The following ATG5 variants were observed in gnomAD, a reference collection of about 807,000 sequenced individuals.
The protein encoded by ATG5 is autophagy related 5.
In ATG5, 14 loss-of-function variants were observed where a neutral mutation model predicts 36.5. The ratio of observed to expected loss-of-function variants is 0.38; its 90% CI spans 0.25 to 0.60. The LOEUF (loss-of-function observed/expected upper bound fraction) is 0.60. Ranked by LOEUF, ATG5 falls within the 20% of genes least tolerant of loss-of-function variation. The pLI is 0.60. For synonymous variants in ATG5, 95 were observed against 101.5 expected (o/e 0.94, Z 0.38); for missense variants, 195 against 326.7 (o/e 0.60, Z 3.11).
rs183119351 is a variant in ATG5, at chr6:106,284,508, C to T, written c.316-4685G>A. On this transcript the variant is annotated intron_variant, in intron 4 of 7. Coordinates refer to ENST00000369076, the MANE Select transcript of ATG5 (RefSeq NM_004849.4). ...GGGACTATAGGCACATGCCACCACACCAGGCTATTTTTTAAAATATTATTT... is the reference window on the plus strand; with the variant it reads ...GGGACTATAGGCACATGCCACCACATCAGGCTATTTTTTAAAATATTATTT... 4.9e-4 allele frequency among the ~76,000 whole-genome samples: 75 copies of T among 152,230 alleles called. 1 individual carries two copies. The highest frequency in any genetic ancestry group is 4.3e-3 in the Admixed American group (66 of 15,294).
At chr6:106,283,422 G>C (rs1233330661) in intron 4 of ATG5, 1 of 151,990 alleles carries the variant, frequency 6.6e-6, no homozygotes, top group African/African-American at 2.4e-5. Flanking sequence ...TAGAGACAGG[G>C]TCTCATTATG....
chr6:106,185,539 A>G lies in ATG5; in HGVS notation c.*1001T>C, dbSNP rs1040157347. ...GCAGTCAAGAGACAGGTAATCTTTA[A>G]ACTTCAAAAGACTGGCTGCCAGGGA... On this transcript the variant is annotated 3_prime_UTR_variant, in exon 8 of 8. Coordinates refer to ENST00000369076, the MANE Select transcript of ATG5 (RefSeq NM_004849.4). 6.6e-6 allele frequency: 1 copy of G among 152,348 alleles called. No homozygotes were observed. Among genetic ancestry groups the G allele is most frequent in the Admixed American group, 6.5e-5 (1 of 15,280 alleles). 9.4% of individuals were successfully genotyped at this position (152,348 alleles called of 1,614,324 possible). A position where few individuals can be genotyped will look rare whatever the true frequency, so the allele number is the denominator to read the frequency against.
chr6:106,237,371 T>A, intron 6 of ATG5, among the ~76,000 whole-genome samples: 1 of 152,134 alleles, frequency 6.6e-6, no homozygotes, highest in Non-Finnish European at 1.5e-5. Context: ...AAAACCTCAA[T>A]AAACATATTC....
chr6:106,294,845 G>GAAAAAAAAAAAAAAA (rs1219794619), intron 3 of ATG5, among the ~76,000 whole-genome samples: 7 of 85,960 alleles, frequency 8.1e-5, no homozygotes, highest in South Asian at 3.9e-4. Context: ...CTTTTCTCAA[G>GAAAAAAAAAAAAAAA]AAAAAAAAAA....
chr6:106,207,351 T>A (rs1018058766), intron 6 of ATG5, among the ~76,000 whole-genome samples: 3 of 152,166 alleles, frequency 2.0e-5, no homozygotes, highest in Non-Finnish European at 4.4e-5. Context: ...TTAGGAAACC[T>A]TATGTATTTT....
chr6:106,278,534 A>G (rs186979131), intron 5 of ATG5, among the ~76,000 whole-genome samples: 185 of 152,292 alleles, frequency 1.2e-3, no homozygotes, highest in Non-Finnish European at 4.0e-4. Flanking sequence ...TTTACTGCAT[A>G]TAAGTTCCTC....
chr6:106,223,240 AAT>A (rs1361221701), intron 6 of ATG5, among the ~76,000 whole-genome samples: 1 of 152,210 alleles, frequency 6.6e-6, no homozygotes, highest in African/African-American at 2.4e-5. Context: ...ATCTGCATCA[AAT>A]AGTTCCTACT....
At chr6:106,240,401 T>TAAAG (rs1271884512) in intron 6 of ATG5, among the ~76,000 whole-genome samples, 1 of 118,744 alleles carries the variant, frequency 8.4e-6, no homozygotes, top group African/African-American at 3.4e-5. Flanking sequence ...AATAAAAAGT[T>TAAAG]AAGAAGAAAA....
chr6:106,313,284 CT>C (rs1381826266), intron 2 of ATG5, among the ~76,000 whole-genome samples: 3 of 152,160 alleles, frequency 2.0e-5, no homozygotes, highest in African/African-American at 4.8e-5. Flanking sequence ...TATCATTTCT[CT>C]TTTCTTCATG....
At chr6:106,195,831 A>C (rs1040312050) in intron 7 of ATG5, among the ~76,000 whole-genome samples, 34 of 147,448 alleles carry the variant, frequency 2.3e-4, no homozygotes, top group African/African-American at 8.4e-4. Context: ...AAAAAAAAAA[A>C]ACCACAAGGG....
chr6:106,231,651 A>C (rs1769968), intron 6 of ATG5, among the ~76,000 whole-genome samples: 16,559 of 152,174 alleles, frequency 0.11, 946 homozygotes, highest in South Asian at 0.16. Flanking sequence ...CTCTCTGTCA[A>C]CTGACTCTAC....
intron 4 of ATG5, among the ~76,000 whole-genome samples, chr6:106,291,430 TAACAC>T (rs1372006771): frequency 6.6e-6 from 1 of 152,214 alleles, no homozygotes; most frequent in African/African-American, 2.4e-5. Flanking sequence ...GTGTAAATGT[TAACAC>T]AACGGGAAGG....
chr6:106,201,861 A>G, intron 7 of ATG5, 111 bp downstream of exon 7: 1 of 736,108 alleles, frequency 1.4e-6, no homozygotes, highest in Non-Finnish European at 2.1e-6. Context: ...TTTCGCTGTA[A>G]GATATGAAAA....
intron 2 of ATG5, among the ~76,000 whole-genome samples, chr6:106,312,323 G>A (rs1770677004): frequency 6.6e-6 from 1 of 152,062 alleles, no homozygotes; most frequent in Non-Finnish European, 1.5e-5. Context: ...AACAGGAAGG[G>A]AATAAAATAA....
rs1779138297 is a variant in ATG5 at position 106,264,139 on chromosome 6, GA to G, written c.478+15521del. ...TGCTAACTAGAATAACCCGTTTTGA[GA>G]GGAACACAAATGACCTGATGGAGCT... On this transcript the variant is annotated intron_variant, in intron 5 of 7. Coordinates refer to ENST00000369076, the MANE Select transcript of ATG5 (RefSeq NM_004849.4). 3.3e-5 allele frequency among the ~76,000 whole-genome samples: 5 copies of G among 152,262 alleles called. No homozygotes were observed. The South Asian group carries it at 1.0e-3, about 32-fold the overall frequency.
At chr6:106,224,454 T>G (rs923975899) in intron 6 of ATG5, among the ~76,000 whole-genome samples, 3 of 152,192 alleles carry the variant, frequency 2.0e-5, no homozygotes, top group Non-Finnish European at 2.9e-5. Context: ...ATTGACCTGG[T>G]AACTTGAAGA....
At position 106,246,566 on chromosome 6, in the gene ATG5, T is replaced by C. The variant is rs143358145; in HGVS notation, c.573+1584A>G. On this transcript the variant is annotated intron_variant, in intron 6 of 7. Transcript: ENST00000369076. ...ACCTTTCCTCTGTACACATGCACTA[T>C]ATTCTGACAATAATAATTCCTAAAT... is the stretch of plus-strand genomic sequence containing the variant. Among the ~76,000 whole-genome samples the C allele has an allele frequency of 7.9e-5, 12 of 152,270 alleles. No individual in the cohort carries two copies. The East Asian group carries it at 1.4e-3, about 17-fold the overall frequency.
At chr6:106,269,179 T>A (rs1340070775) in intron 5 of ATG5, among the ~76,000 whole-genome samples, 1 of 151,766 alleles carries the variant, frequency 6.6e-6, no homozygotes, top group African/African-American at 2.4e-5. Context: ...CCCACCAGAG[T>A]AGCTAGTTAC....
rs149657771 is a variant in ATG5, at chr6:106,226,898, T to C, written c.573+21252A>G. On this transcript the variant is annotated intron_variant, in intron 6 of 7. Coordinates refer to ENST00000369076, the MANE Select transcript of ATG5 (RefSeq NM_004849.4). ...AAGAATGAATCAGCAAATCTAAAGA[T>C]AGGTCAATTGCGAGAAAGAGAGGGA... Among the ~76,000 whole-genome samples, 1,442 of 151,694 alleles carry C rather than the reference T, an allele frequency of 9.5e-3. 17 individuals are homozygous for C. Among genetic ancestry groups the C allele is most frequent in the Admixed American group, 0.016 (251 of 15,238 alleles).
Sources: gnomAD v4.1 joint callset for allele counts (sites outside exome capture counted in the v4.1 genomes callset) on GRCh38, gnomAD v4.1.1 for gene constraint, MANE v1.5 for transcripts, NCBI Gene and HGNC (gene_info 2026-07-23, HGNC 2026-07-21) for gene names.